The following KBTBD12 variants were observed in gnomAD, a reference collection of about 807,000 sequenced individuals.
KBTBD12 encodes kelch repeat and BTB domain-containing protein 12.
In KBTBD12, 53 loss-of-function variants were observed where a neutral mutation model predicts 58.7. That is an observed-to-expected ratio of 0.90 (90% CI 0.72 to 1.14). The LOEUF is 1.14. KBTBD12 is among the 50% of genes most tolerant of loss of function. The pLI, the probability that KBTBD12 is intolerant of heterozygous loss-of-function variation, is 0.00. For missense variants in KBTBD12, 704 were observed against 751.3 expected, an observed-to-expected ratio of 0.94 and a Z score of 0.74; for synonymous variants, 236 against 259.8, an observed-to-expected ratio of 0.91 and a Z score of 0.88.
intron 5 of KBTBD12, among the ~76,000 whole-genome samples, chr3:127,975,679 C>T (rs184513317): frequency 1.3e-5 from 2 of 152,234 alleles, no homozygotes; most frequent in Admixed American, 6.5e-5. Flanking sequence ...CTGTAGATCC[C>T]TAAAGTTTTA....
At chr3:127,959,842 T>C (rs893849922) in intron 4 of KBTBD12, among the ~76,000 whole-genome samples, 6 of 152,216 alleles carry the variant, frequency 3.9e-5, no homozygotes, top group Non-Finnish European at 8.8e-5. Context: ...TAAATTAAAT[T>C]GACCAACTTT....
chr3:127,952,022 T>A (rs547004727), intron 4 of KBTBD12, among the ~76,000 whole-genome samples: 1 of 152,228 alleles, frequency 6.6e-6, no homozygotes, highest in Non-Finnish European at 1.5e-5. Flanking sequence ...TGCCAGTACC[T>A]TTAAGTGGCT....
intron 5 of KBTBD12, among the ~76,000 whole-genome samples, chr3:127,965,405 G>A (rs559857161): frequency 3.3e-5 from 5 of 152,190 alleles, no homozygotes; most frequent in East Asian, 1.9e-4. Context: ...TTTGGGATTC[G>A]CTGAATGAAT....
intron 5 of KBTBD12, among the ~76,000 whole-genome samples, 172 bp from the exon 6 acceptor site, chr3:127,983,925 C>A (rs1940920287): frequency 6.6e-6 from 1 of 152,152 alleles, no homozygotes; most frequent in Non-Finnish European, 1.5e-5. Context: ...GAATCGTGAG[C>A]CAAGTAAATG....
At chr3:127,973,962 A>T (rs1940731159) in intron 5 of KBTBD12, among the ~76,000 whole-genome samples, 1 of 152,122 alleles carries the variant, frequency 6.6e-6, no homozygotes, top group Non-Finnish European at 1.5e-5. Context: ...ATTGTACTAA[A>T]CTTATGATAT....
At chr3:127,966,937 G>A (rs145908944) in intron 5 of KBTBD12, among the ~76,000 whole-genome samples, 16 of 152,314 alleles carry the variant, frequency 1.1e-4, no homozygotes, top group African/African-American at 3.1e-4. Context: ...AGAAGAAAAC[G>A]AAGCAAATGC....
intron 2 of KBTBD12, 29 bp from the exon 3 acceptor site, chr3:127,927,735 A>T: frequency 7.0e-7 from 1 of 1,435,448 alleles, no homozygotes; most frequent in East Asian, 2.3e-5. Context: ...GTTACCTCTA[A>T]TCCTGGATAC....
intron 5 of KBTBD12, among the ~76,000 whole-genome samples, chr3:127,968,871 GA>G (rs74398570): frequency 0.15 from 23,030 of 151,676 alleles, 1,960 homozygotes; most frequent in South Asian, 0.32. Flanking sequence ...TAGATGCAAA[GA>G]AAAAAAATAG....
At chr3:127,951,660 TC>T (rs1294962889) in intron 4 of KBTBD12, among the ~76,000 whole-genome samples, 15 of 151,866 alleles carry the variant, frequency 9.9e-5, no homozygotes, top group Non-Finnish European at 2.1e-4. Context: ...ATCCCACCCC[TC>T]CCTTTCTCAT....
At position 127,925,089 on chromosome 3, in the gene KBTBD12, T is replaced by C. The variant is rs138644854; in HGVS notation, c.1070+958T>C. On this transcript the variant is annotated intron_variant, in intron 2 of 5. Coordinates refer to ENST00000405109, the MANE Select transcript of KBTBD12 (RefSeq NM_207335.4). ...GGAATGAAGAGGTCTACTATTTGTCTGTCATCTCCTAGCATTACATTATCT... is the reference window on the plus strand; with the variant it reads ...GGAATGAAGAGGTCTACTATTTGTCCGTCATCTCCTAGCATTACATTATCT... 4.5e-3 allele frequency among the ~76,000 whole-genome samples: 684 copies of C among 152,340 alleles called. 4 individuals are homozygous for C. Among genetic ancestry groups the C allele is most frequent in the African/African-American group, 0.016 (667 of 41,584 alleles).
intron 2 of KBTBD12, among the ~76,000 whole-genome samples, chr3:127,927,460 C>T (rs962488048): frequency 6.6e-6 from 1 of 152,018 alleles, no homozygotes; most frequent in South Asian, 2.1e-4. Context: ...TCTATCCATT[C>T]TTGATTTTCT....
intron 4 of KBTBD12, among the ~76,000 whole-genome samples, chr3:127,950,474 C>T (rs1178389902): frequency 2.0e-5 from 3 of 152,106 alleles, no homozygotes; most frequent in African/African-American, 7.2e-5. Flanking sequence ...AATTAAGTAA[C>T]ATTGATGTCA....
chr3:127,967,309 A>C (rs1940594808), intron 5 of KBTBD12, among the ~76,000 whole-genome samples: 1 of 152,218 alleles, frequency 6.6e-6, no homozygotes, highest in South Asian at 2.1e-4. Context: ...GAAAACTAGC[A>C]AAAATAAAAT....
At chr3:127,963,519 C>A in intron 5 of KBTBD12, 133 bp downstream of exon 5, 1 of 856,136 alleles carries the variant, frequency 1.2e-6, no homozygotes, top group Non-Finnish European at 1.7e-6. Flanking sequence ...GAGTCAGGGA[C>A]CCTGTGCAAA....
At chr3:127,982,523 G>C (rs1940890981) in intron 5 of KBTBD12, among the ~76,000 whole-genome samples, 1 of 152,172 alleles carries the variant, frequency 6.6e-6, no homozygotes, top group African/African-American at 2.4e-5. Context: ...CCCCTGCCTG[G>C]ATTCTCCCGT....
At chr3:127,964,640 CAAA>C (rs34230294) in intron 5 of KBTBD12, among the ~76,000 whole-genome samples, 9 of 111,136 alleles carry the variant, frequency 8.1e-5, no homozygotes, top group Admixed American at 9.8e-5. Context: ...GACTCCATCT[CAAA>C]AAAAAAAAAA....
chr3:127,921,663 T>A (rs1939413197), intron 1 of KBTBD12, among the ~76,000 whole-genome samples: 1 of 152,138 alleles, frequency 6.6e-6, no homozygotes, highest in South Asian at 2.1e-4. Flanking sequence ...TGAAATGCAG[T>A]TGGAAGGAAG....
At chr3:127,955,663 G>A (rs368326148) in intron 4 of KBTBD12, among the ~76,000 whole-genome samples, 7 of 152,140 alleles carry the variant, frequency 4.6e-5, no homozygotes, top group South Asian at 2.1e-4. Flanking sequence ...CAATTCTGGC[G>A]TGAAAAAAAT....
intron 5 of KBTBD12, among the ~76,000 whole-genome samples, chr3:127,980,411 C>T (rs1258902806): frequency 6.6e-6 from 1 of 152,130 alleles, no homozygotes; most frequent in Non-Finnish European, 1.5e-5. Flanking sequence ...CTCATTGCAA[C>T]CTCTACCTCC....
Sources: gnomAD v4.1 joint callset for allele counts (sites outside exome capture counted in the v4.1 genomes callset) on GRCh38, gnomAD v4.1.1 for gene constraint, MANE v1.5 for transcripts, NCBI Gene and HGNC (gene_info 2026-07-23, HGNC 2026-07-21) for gene names.